Variants in TACC2 observed in about 807,000 individuals in gnomAD.
The protein encoded by TACC2 is transforming acidic coiled-coil containing protein 2.
Under a neutral mutation model 227.3 loss-of-function variants are expected in TACC2, and 137 were observed. The observed-to-expected ratio is 0.60, with a 90% CI of 0.52 to 0.69. The LOEUF is 0.69. Ranked by LOEUF, TACC2 falls within the 30% of genes least tolerant of loss-of-function variation. The pLI is 0.00. For missense variants in TACC2, 3,470 were observed against 3,694.4 expected, an observed-to-expected ratio of 0.94 and a Z score of 1.57; for synonymous variants, 1,523 against 1,487.5, an observed-to-expected ratio of 1.02 and a Z score of -0.55.
At chr10:122,187,677 G>T (rs1010848820) in intron 7 of TACC2, among the ~76,000 whole-genome samples, 1 of 151,910 alleles carries the variant, frequency 6.6e-6, no homozygotes, top group African/African-American at 2.4e-5. Flanking sequence ...TTTTAGTAGA[G>T]ACAGGGTTTC....
chr10:122,194,310 C>T lies in TACC2; in HGVS notation c.5835-730C>T, dbSNP rs1456179164. 6.6e-6 allele frequency among the ~76,000 whole-genome samples: 1 copy of T among 152,186 alleles called. No individual in the cohort carries two copies. The highest frequency in any genetic ancestry group is 1.5e-5 in the Non-Finnish European group (1 of 68,032). ...GAGTTTCTCCACATGGATTTTTGGT[C>T]CAGTTCTCTGGGTGAAGAGTCTTCC... On this transcript the variant is annotated intron_variant, in intron 7 of 22. Transcript: ENST00000369005. The surrounding 1 kb of genome is among the most constrained non-coding windows in gnomAD (Gnocchi z 4.4).
At chr10:122,241,885 G>A (rs1037621502) in intron 18 of TACC2, 73 bp from the exon 19 acceptor site, 6 of 1,415,696 alleles carry the variant, frequency 4.2e-6, no homozygotes, top group Middle Eastern at 1.8e-4. Context: ...GGGTCAGGCT[G>A]TGGCGTCCAG....
In TACC2 at chr10:122,167,614, G is replaced by C. The variant is rs373249120; in HGVS notation, c.5834+23908G>C. 6.6e-5 allele frequency among the ~76,000 whole-genome samples: 10 copies of C among 152,298 alleles called. No individual in the cohort carries two copies. In the East Asian group the frequency reaches 1.2e-3, roughly 18 times the overall value. ...CATCTGTGGTTAGAAGTGGGGTTCT[G>C]GTCCCTTCCCTTATGTGGTTCCTGA... On this transcript the variant is annotated intron_variant, in intron 7 of 22. Coordinates refer to ENST00000369005, the MANE Select transcript of TACC2 (RefSeq NM_206862.4).
intron 22 of TACC2, among the ~76,000 whole-genome samples, chr10:122,250,040 G>A (rs1007103816): frequency 2.0e-5 from 3 of 152,242 alleles, no homozygotes; most frequent in African/African-American, 7.2e-5. Flanking sequence ...GGCAGTGGTG[G>A]CCAGCTGATG....
intron 8 of TACC2, among the ~76,000 whole-genome samples, chr10:122,203,121 C>G (rs2094934585): frequency 1.3e-5 from 2 of 152,264 alleles, no homozygotes; most frequent in Admixed American, 1.3e-4. Flanking sequence ...TCCCCTCTTT[C>G]TATTCTACAA....
At chr10:122,002,009 T>C (rs1954424552) in intron 1 of TACC2, among the ~76,000 whole-genome samples, 1 of 152,254 alleles carries the variant, frequency 6.6e-6, no homozygotes, top group Non-Finnish European at 1.5e-5. Context: ...TAACAGAATA[T>C]CATAGACTGG....
At chr10:122,126,316 C>CTCTGTGTGTGTGTGTGTGTG (rs139974922) in intron 5 of TACC2, among the ~76,000 whole-genome samples, 2 of 142,018 alleles carry the variant, frequency 1.4e-5, no homozygotes, top group African/African-American at 5.0e-5. Flanking sequence ...TAATCCAGAA[C>CTCTGTGTGTGTGTGTGTGTG]TGTGTGTGTG....
intron 7 of TACC2, among the ~76,000 whole-genome samples, chr10:122,173,655 T>G (rs1197952597): frequency 1.3e-5 from 2 of 152,136 alleles, no homozygotes; most frequent in African/African-American, 4.8e-5. Context: ...CTGGGGTCAG[T>G]GGGGAAGAGC....
rs538968585 is a variant in TACC2, at chr10:122,237,527, G to A, written c.8260G>A (p.Ala2754Thr). 2.5e-5 allele frequency: 41 copies of A among 1,613,204 alleles called. No individual in the cohort carries two copies. The highest frequency in any genetic ancestry group is 3.3e-4 in the Middle Eastern group (2 of 6,058). ...CGACCTGGACTCTGCCCTCCAGATC[G>A]CCAGAGCAGAGGTATCGTGGCATGT... ...QPDLDSALQI[A>T]RAEIITKERE... The change falls in exon 17 of 23, where the codon GCC (alanine) becomes ACC (threonine). Residue 2754 changes from alanine (A) to threonine (T), a missense_variant. Physicochemically the swap from Ala to Thr is moderately conservative, Grantham distance 58 (BLOSUM62 0). Around this residue, in one of 10 missense-constraint regions of TACC2, gnomAD observed 345 missense variants for 354.4 expected, o/e 0.97. Transcript: ENST00000369005.
rs1461115555 is a variant in TACC2, at chr10:122,203,116, T to C, written c.5972-7281T>C. On this transcript the variant is annotated intron_variant, in intron 8 of 22. Coordinates refer to ENST00000369005, the MANE Select transcript of TACC2 (RefSeq NM_206862.4). Reference sequence around the variant, plus strand: ...CTCAATCTTTTCCCCACCTTTCCCCTCTTTCTATTCTACAAAACCGCCATT... The same window carrying C: ...CTCAATCTTTTCCCCACCTTTCCCCCCTTTCTATTCTACAAAACCGCCATT... Among the ~76,000 whole-genome samples, 8 of 152,296 alleles carry C rather than the reference T, an allele frequency of 5.3e-5. No individual in the cohort carries two copies. The East Asian group carries it at 9.6e-4, about 18-fold the overall frequency.
chr10:121,997,084 A>T (rs553673156), intron 1 of TACC2, among the ~76,000 whole-genome samples: 1 of 152,286 alleles, frequency 6.6e-6, no homozygotes, highest in East Asian at 1.9e-4. Flanking sequence ...ATAGTCTCAG[A>T]TGCTGCAGAG....
chr10:122,219,635 T>A (rs2095484750), intron 11 of TACC2, among the ~76,000 whole-genome samples: 1 of 152,168 alleles, frequency 6.6e-6, no homozygotes, highest in Non-Finnish European at 1.5e-5. Flanking sequence ...GCAAGGGACA[T>A]CTGAGCACAG....
At chr10:122,193,209 C>T (rs1333560709) in intron 7 of TACC2, among the ~76,000 whole-genome samples, 2 of 152,218 alleles carry the variant, frequency 1.3e-5, no homozygotes, top group Non-Finnish European at 2.9e-5. Context: ...CTTTGGTTCC[C>T]TGGAGGCTTT....
At chr10:122,063,705 TTC>T (rs1342929723) in intron 3 of TACC2, among the ~76,000 whole-genome samples, 1 of 152,120 alleles carries the variant, frequency 6.6e-6, no homozygotes, top group Non-Finnish European at 1.5e-5. Context: ...CCTCACACTC[TTC>T]TTTTTTCTAG....
In TACC2 at chr10:122,210,983, C is replaced by G. The variant is rs756607567; in HGVS notation, c.6558C>G (p.Ala2186=). The change falls in exon 9 of 23, where the codon GCC becomes GCG. Residue 2186 remains alanine, a synonymous_variant. Coordinates refer to ENST00000369005, the MANE Select transcript of TACC2 (RefSeq NM_206862.4). The surrounding 1 kb of genome is among the most constrained non-coding windows in gnomAD (Gnocchi z 4.6). ...ESAKTEGPSP[A]LLEETPLEPA... ...CCAAGACGGAAGGTCCTAGCCCAGC[C>G]TTATTGGAGGAGACGCCCCTTGAGC... The G allele has an allele frequency of 1.9e-6, 3 of 1,613,236 alleles. No homozygotes were observed. The Admixed American group carries it at 5.0e-5, about 27-fold the overall frequency.
At chr10:121,991,433 A>G (rs958341038) in intron 1 of TACC2, among the ~76,000 whole-genome samples, 1 of 152,262 alleles carries the variant, frequency 6.6e-6, no homozygotes, top group African/African-American at 2.4e-5. Flanking sequence ...AACTGGGCAA[A>G]TAGGAACTAA....
At chr10:122,162,887 C>T (rs1342087692) in intron 7 of TACC2, among the ~76,000 whole-genome samples, 1 of 152,104 alleles carries the variant, frequency 6.6e-6, no homozygotes, top group Non-Finnish European at 1.5e-5. Context: ...CTGCCTTGGG[C>T]GGCTCAGCTG....
chr10:122,063,842 A>ACACG (rs2077102935), intron 3 of TACC2, among the ~76,000 whole-genome samples: 1 of 151,282 alleles, frequency 6.6e-6, no homozygotes, highest in African/African-American at 2.4e-5. Flanking sequence ...ACACACACAC[A>ACACG]CACACACACA....
chr10:122,161,840 G>C (rs1390158833), intron 7 of TACC2, among the ~76,000 whole-genome samples: 1 of 152,256 alleles, frequency 6.6e-6, no homozygotes, highest in African/African-American at 2.4e-5. Context: ...CCAGGTTAGA[G>C]CTTACAGATG....
Sources: gnomAD v4.1 joint callset for allele counts (sites outside exome capture counted in the v4.1 genomes callset) on GRCh38, gnomAD v4.1.1 for gene constraint, gnomAD v4.1.1 regional missense constraint, Gnocchi (gnomAD v3.1) non-coding constraint, MANE v1.5 for transcripts, NCBI Gene and HGNC (gene_info 2026-07-23, HGNC 2026-07-21) for gene names.